FILIP1: variants seen among roughly 807,000 people sequenced by gnomAD.
FILIP1 encodes filamin A interacting protein 1.
In FILIP1, 61 loss-of-function variants were observed where a neutral mutation model predicts 102.1. The observed-to-expected ratio is 0.60, with a 90% CI of 0.49 to 0.74. The LOEUF is 0.74. Ranked by LOEUF, FILIP1 falls within the 30% of genes least tolerant of loss-of-function variation. FILIP1 has a pLI of 0.00. For synonymous variants in FILIP1, 491 were observed against 526.9 expected, an observed-to-expected ratio of 0.93 and a Z score of 0.93; for missense variants, 1,314 against 1,441.2, an observed-to-expected ratio of 0.91 and a Z score of 1.43.
intron 4 of FILIP1, among the ~76,000 whole-genome samples, chr6:75,338,679 G>A (rs769018580): frequency 1.3e-5 from 2 of 152,136 alleles, no homozygotes; most frequent in African/African-American, 2.4e-5. Flanking sequence ...ATATTTACTT[G>A]TTATTTATTG....
Position 75,362,731 on chromosome 6 carries a change from G to A in FILIP1, c.450+13C>T, listed in dbSNP as rs775691229. The A allele has an allele frequency of 1.2e-6, 2 of 1,610,740 alleles. No individual in the cohort carries two copies. Among genetic ancestry groups the A allele is most frequent in the Middle Eastern group, 1.7e-4 (1 of 5,904 alleles). ...GTTCCCATCCAGGGGACTTGTTGGT[G>A]TCATATTTTTACCTCTGAAATCGGT... On this transcript the variant is annotated intron_variant, in intron 3 of 5. Transcript: ENST00000237172.
chr6:75,344,818 T>G (rs938943105), intron 4 of FILIP1, among the ~76,000 whole-genome samples: 1 of 152,188 alleles, frequency 6.6e-6, no homozygotes, highest in Admixed American at 6.5e-5. Flanking sequence ...TCTGGTAATA[T>G]CCTGAAAACT....
intron 1 of FILIP1, among the ~76,000 whole-genome samples, chr6:75,483,783 G>A (rs1005662260): frequency 1.3e-5 from 2 of 152,116 alleles, no homozygotes; most frequent in African/African-American, 4.8e-5. Flanking sequence ...TATTTTCAGA[G>A]TGGGCTCCAG....
downstream of FILIP1, among the ~76,000 whole-genome samples, chr6:75,304,864 A>G (rs1227056301): frequency 1.3e-5 from 2 of 152,218 alleles, no homozygotes; most frequent in African/African-American, 4.8e-5. Context: ...GCTCTGGCTG[A>G]TATTTGAACT....
At chr6:75,457,406 A>G (rs1456530529) in intron 1 of FILIP1, among the ~76,000 whole-genome samples, 1 of 152,166 alleles carries the variant, frequency 6.6e-6, no homozygotes, top group Non-Finnish European at 1.5e-5. Context: ...TACCTGTGGC[A>G]AACCTTCTTT....
intron 3 of FILIP1, among the ~76,000 whole-genome samples, chr6:75,356,883 T>G (rs1775021978): frequency 1.3e-5 from 2 of 152,218 alleles, no homozygotes; most frequent in African/African-American, 4.8e-5. Context: ...ACGTGTGATT[T>G]TCAACATATT....
intron 1 of FILIP1, among the ~76,000 whole-genome samples, chr6:75,480,459 A>G (rs1320877565): frequency 6.6e-6 from 1 of 151,758 alleles, no homozygotes; most frequent in East Asian, 1.9e-4. Flanking sequence ...CAGGCTAGAC[A>G]TGAACTCCTG....
intron 1 of FILIP1, among the ~76,000 whole-genome samples, chr6:75,426,348 A>C (rs1282293461): frequency 6.6e-6 from 1 of 152,170 alleles, no homozygotes; most frequent in Non-Finnish European, 1.5e-5. Context: ...TCTAAGGTGG[A>C]AGAACCCGAC....
chr6:75,475,576 T>A (rs1374982430), intron 1 of FILIP1, among the ~76,000 whole-genome samples: 1 of 152,236 alleles, frequency 6.6e-6, no homozygotes, highest in Non-Finnish European at 1.5e-5. Flanking sequence ...CATTTTTTAC[T>A]CTGATAATAT....
intron 1 of FILIP1, among the ~76,000 whole-genome samples, chr6:75,481,875 T>C (rs1779657922): frequency 2.0e-5 from 3 of 152,162 alleles, no homozygotes; most frequent in South Asian, 2.1e-4. Flanking sequence ...TCAACTCCTA[T>C]GAAAAAGTGT....
At chr6:75,437,112 G>C (rs1770682915) in intron 1 of FILIP1, among the ~76,000 whole-genome samples, 1 of 152,142 alleles carries the variant, frequency 6.6e-6, no homozygotes, top group African/African-American at 2.4e-5. Context: ...ATATTATGAA[G>C]ACAGAACTTG....
intron 1 of FILIP1, among the ~76,000 whole-genome samples, chr6:75,480,883 T>C (rs1779632606): frequency 6.6e-6 from 1 of 152,220 alleles, no homozygotes; most frequent in South Asian, 2.1e-4. Flanking sequence ...CTTCATTACA[T>C]AATTTTTTAA....
At chr6:75,353,818 C>T (rs899181813) in intron 3 of FILIP1, 101 bp from the exon 4 acceptor site, 66 of 1,167,736 alleles carry the variant, frequency 5.7e-5, no homozygotes, top group Non-Finnish European at 7.5e-5. Flanking sequence ...TACCTGAAAG[C>T]GAGAACAGTG....
At chr6:75,463,141 A>C (rs748320962) in intron 1 of FILIP1, among the ~76,000 whole-genome samples, 2 of 152,182 alleles carry the variant, frequency 1.3e-5, no homozygotes, top group Non-Finnish European at 2.9e-5. Context: ...AAAGAGTCTG[A>C]GTTTAGTTCC....
At chr6:75,487,808 C>T (rs1295745886) in intron 1 of FILIP1, among the ~76,000 whole-genome samples, 2 of 151,960 alleles carry the variant, frequency 1.3e-5, no homozygotes, top group African/African-American at 4.8e-5. Flanking sequence ...TTTAAATTAA[C>T]TTGGGAAGAT....
chr6:75,358,766 A>G (rs191582715), intron 3 of FILIP1: 4 of 152,246 alleles, frequency 2.6e-5, no homozygotes, highest in Admixed American at 6.5e-5. Flanking sequence ...TCTGTCACCC[A>G]GGCTGGAGTG....
chr6:75,393,505 C>A (rs1776354260), intron 2 of FILIP1, among the ~76,000 whole-genome samples: 1 of 152,000 alleles, frequency 6.6e-6, no homozygotes, highest in South Asian at 2.1e-4. Context: ...AAAGGATTGG[C>A]CTTTCCACAT....
chr6:75,397,883 G>C (rs369084383), intron 2 of FILIP1: 25 of 152,128 alleles, frequency 1.6e-4, no homozygotes, highest in African/African-American at 5.6e-4. Context: ...GAAGGGCAAA[G>C]GGACAGCCCA....
At chr6:75,328,725 T>G (rs1225584215) in intron 4 of FILIP1, among the ~76,000 whole-genome samples, 2 of 151,786 alleles carry the variant, frequency 1.3e-5, no homozygotes, top group African/African-American at 4.9e-5. Context: ...TGGCCTCAAG[T>G]GAGCCACCCA....
Sources: allele counts gnomAD v4.1 joint callset (sites outside exome capture counted in the v4.1 genomes callset), GRCh38; gene constraint gnomAD v4.1.1; transcripts MANE v1.5; gene names NCBI Gene and HGNC (gene_info 2026-07-23, HGNC 2026-07-21).